EYS: variants seen among roughly 807,000 people sequenced by gnomAD.
The protein encoded by EYS is protein eyes shut homolog.
A neutral mutation model predicts 282.1 loss-of-function variants in EYS; 250 were observed. That is an observed-to-expected ratio of 0.89 (90% CI 0.80 to 0.98). EYS has a LOEUF of 0.98. EYS is among the 50% of genes least tolerant of loss of function. EYS has a pLI of 0.00. For missense variants in EYS, 4,016 were observed against 3,709.0 expected, an observed-to-expected ratio of 1.08 and a Z score of -2.15; for synonymous variants, 1,355 against 1,282.9, an observed-to-expected ratio of 1.06 and a Z score of -1.20.
At chr6:64,469,094 ATAATT>A (rs1249641881) in intron 26 of EYS, among the ~76,000 whole-genome samples, 2 of 152,212 alleles carry the variant, frequency 1.3e-5, no homozygotes, top group Admixed American at 6.5e-5. Context: ...AATGGCTCAA[ATAATT>A]TACATTCTCA....
At chr6:64,132,447 T>C (rs953690015) in intron 31 of EYS, among the ~76,000 whole-genome samples, 2 of 151,944 alleles carry the variant, frequency 1.3e-5, no homozygotes, top group African/African-American at 4.8e-5. Context: ...TCTTTAGAGA[T>C]AATAAATTTT....
intron 30 of EYS, among the ~76,000 whole-genome samples, chr6:64,294,360 T>TA (rs1307957882): frequency 6.6e-6 from 1 of 152,214 alleles, no homozygotes; most frequent in Non-Finnish European, 1.5e-5. Context: ...TTGATAAATT[T>TA]AAAAAATGTG....
At chr6:64,010,642 G>A (rs889044983) in intron 33 of EYS, among the ~76,000 whole-genome samples, 2 of 152,020 alleles carry the variant, frequency 1.3e-5, no homozygotes, top group Non-Finnish European at 2.9e-5. Context: ...ATTTTGAATG[G>A]GAGGTATGTT....
At position 65,335,035 on chromosome 6, in the gene EYS, G is replaced by T. The variant is rs765886997; in HGVS notation, c.1711C>A (p.Gln571Lys). The T allele has an allele frequency of 9.9e-6, 16 of 1,611,038 alleles. No homozygotes were observed. In the Admixed American group the frequency reaches 2.5e-4, roughly 25 times the overall value. ...GCTTCATGTTGACACTCATTTTCTTGATCATCAGTTGTATTTTCCAGATAC... is the reference window on the plus strand; with the variant it reads ...GCTTCATGTTGACACTCATTTTCTTTATCATCAGTTGTATTTTCCAGATAC... ...NMYLENTTDD[Q>K]ENECQHEAVC... Residue 571 changes from glutamine (Q) to lysine (K), a missense_variant, in exon 11 of 43, where the codon CAA becomes AAA. Gln to Lys is a moderately conservative substitution (Grantham distance 53, BLOSUM62 1). Coordinates refer to ENST00000503581, the MANE Select transcript of EYS (RefSeq NM_001142800.2).
At chr6:63,921,874 G>C (rs1334230897) in intron 35 of EYS, among the ~76,000 whole-genome samples, 1 of 152,126 alleles carries the variant, frequency 6.6e-6, no homozygotes, top group Non-Finnish European at 1.5e-5. Flanking sequence ...TTTTACCAAA[G>C]ACAAAAAATG....
chr6:64,872,339 G>A (rs1766621818), intron 19 of EYS, among the ~76,000 whole-genome samples: 1 of 152,012 alleles, frequency 6.6e-6, no homozygotes, highest in African/African-American at 2.4e-5. Flanking sequence ...CAACAAAACA[G>A]ATCCAGACTA....
intron 42 of EYS, among the ~76,000 whole-genome samples, chr6:63,725,573 A>G (rs150738334): frequency 8.2e-4 from 125 of 152,258 alleles, no homozygotes; most frequent in African/African-American, 2.9e-3. Flanking sequence ...TCATGAATTT[A>G]AAACCAAATA....
chr6:64,371,705 T>C (rs1057203999), intron 29 of EYS, among the ~76,000 whole-genome samples: 4 of 152,210 alleles, frequency 2.6e-5, no homozygotes, highest in East Asian at 3.8e-4. Context: ...CTGTGTTGGG[T>C]ACATATTTTT....
intron 13 of EYS, among the ~76,000 whole-genome samples, chr6:65,022,761 G>T (rs1301447773): frequency 1.3e-5 from 2 of 150,402 alleles, no homozygotes; most frequent in African/African-American, 2.4e-5. Flanking sequence ...AATTTAAAAG[G>T]CATCTACATA....
chr6:64,495,950 C>A (rs9345172), intron 26 of EYS, among the ~76,000 whole-genome samples: 1 of 151,338 alleles, frequency 6.6e-6, no homozygotes, highest in Non-Finnish European at 1.5e-5. Context: ...AAAACACATA[C>A]AAAAGTGCTG....
At chr6:64,704,083 A>T (rs902751154) in intron 22 of EYS, among the ~76,000 whole-genome samples, 1 of 152,032 alleles carries the variant, frequency 6.6e-6, no homozygotes, top group Non-Finnish European at 1.5e-5. Flanking sequence ...AGAGATTTAA[A>T]AAAAACTTCA....
At chr6:64,046,078 A>C (rs1365814132) in intron 33 of EYS, among the ~76,000 whole-genome samples, 1 of 147,900 alleles carries the variant, frequency 6.8e-6, no homozygotes, top group Non-Finnish European at 1.5e-5. Context: ...ATATATAATA[A>C]ATATCTTACA....
chr6:64,760,698 C>G (rs546480597), intron 22 of EYS, among the ~76,000 whole-genome samples: 1 of 152,282 alleles, frequency 6.6e-6, no homozygotes, highest in South Asian at 2.1e-4. Context: ...TCAACAATGT[C>G]TTTAATTGCA....
chr6:63,848,431 A>C (rs1447958283), intron 36 of EYS, among the ~76,000 whole-genome samples: 1 of 152,020 alleles, frequency 6.6e-6, no homozygotes, highest in Non-Finnish European at 1.5e-5. Flanking sequence ...TGCAGCTCCC[A>C]GCAAGACCAA....
chr6:64,439,862 G>GA (rs550906524), intron 26 of EYS, among the ~76,000 whole-genome samples: 287 of 151,654 alleles, frequency 1.9e-3, no homozygotes, highest in Non-Finnish European at 3.5e-3. Context: ...TAGATTTTCA[G>GA]AAAAAAATGA....
At position 63,958,201 on chromosome 6, in the gene EYS, G is replaced by A. The variant is rs752313589; in HGVS notation, c.7055+26182C>T. ...TTGAGAGTGTTCCAGACCTATGTTA[G>A]GTGTTGGAAATAAATTATGAATGGA... On this transcript the variant is annotated intron_variant, in intron 35 of 42. Coordinates refer to ENST00000503581, the MANE Select transcript of EYS (RefSeq NM_001142800.2). Among the ~76,000 whole-genome samples the A allele has an allele frequency of 2.1e-5, 3 of 140,362 alleles. 1 individual carries two copies. Among genetic ancestry groups the A allele is most frequent in the Non-Finnish European group, 4.9e-5 (3 of 61,742 alleles). 92.1% of individuals were successfully genotyped at this position (140,362 alleles called of 152,430 possible).
intron 12 of EYS, among the ~76,000 whole-genome samples, chr6:65,255,704 C>T (rs1767442612): frequency 6.6e-6 from 1 of 151,958 alleles, no homozygotes; most frequent in Non-Finnish European, 1.5e-5. Context: ...ATGATCTGAA[C>T]AGACATTTCT....
intron 2 of EYS, among the ~76,000 whole-genome samples, chr6:65,510,809 TTA>T (rs1281562522): frequency 2.6e-5 from 4 of 152,202 alleles, no homozygotes; most frequent in Non-Finnish European, 5.9e-5. Flanking sequence ...TAGAAATTTG[TTA>T]TTTAATTCTA....
intron 36 of EYS, among the ~76,000 whole-genome samples, chr6:63,818,262 T>C (rs985767009): frequency 3.3e-5 from 5 of 152,170 alleles, no homozygotes; most frequent in Non-Finnish European, 7.3e-5. Context: ...ATATAACAAC[T>C]GTCATTTGAT....
Sources: allele counts gnomAD v4.1 joint callset (sites outside exome capture counted in the v4.1 genomes callset), GRCh38; gene constraint gnomAD v4.1.1; transcripts MANE v1.5; gene names NCBI Gene and HGNC (gene_info 2026-07-23, HGNC 2026-07-21).